RPS6KA2: variants seen among roughly 807,000 people sequenced by gnomAD.
The protein encoded by RPS6KA2 is ribosomal protein S6 kinase alpha-2.
In RPS6KA2, 42 loss-of-function variants were observed where a neutral mutation model predicts 91.8. The observed-to-expected ratio is 0.46, with a 90% CI of 0.36 to 0.59. The LOEUF (loss-of-function observed/expected upper bound fraction) is 0.59. Ranked by LOEUF, RPS6KA2 falls within the 20% of genes least tolerant of loss-of-function variation. The pLI is 0.00. For missense variants in RPS6KA2, 798 were observed against 978.5 expected, an observed-to-expected ratio of 0.82 and a Z score of 2.46; for synonymous variants, 414 against 393.6, an observed-to-expected ratio of 1.05 and a Z score of -0.61.
At chr6:166,693,424 C>G (rs1436405586) in intron 2 of RPS6KA2, among the ~76,000 whole-genome samples, 1 of 152,186 alleles carries the variant, frequency 6.6e-6, no homozygotes, top group Non-Finnish European at 1.5e-5. Context: ...ATCAGCAGGG[C>G]CTCTACTAAA....
chr6:166,833,225 G>C (rs1780231424), intron 2 of RPS6KA2, among the ~76,000 whole-genome samples: 1 of 152,208 alleles, frequency 6.6e-6, no homozygotes, highest in South Asian at 2.1e-4. Flanking sequence ...TCTGATGGAA[G>C]AAACCATTCT....
chr6:166,828,548 A>G (rs1321099542), intron 2 of RPS6KA2, among the ~76,000 whole-genome samples: 1 of 152,250 alleles, frequency 6.6e-6, no homozygotes, highest in Non-Finnish European at 1.5e-5. Flanking sequence ...ACAGAGCTTG[A>G]GATATAAATG....
At chr6:166,561,785 C>T (rs538912460) in intron 1 of RPS6KA2, among the ~76,000 whole-genome samples, 4 of 152,124 alleles carry the variant, frequency 2.6e-5, no homozygotes, top group South Asian at 2.1e-4. Context: ...AAGAAGAAGA[C>T]GATGGGCTGC....
chr6:166,621,421 T>C (rs527658547), intron 1 of RPS6KA2, among the ~76,000 whole-genome samples: 4 of 152,366 alleles, frequency 2.6e-5, no homozygotes, highest in Admixed American at 6.5e-5. Context: ...CAGTATTTCA[T>C]ATGGAATATA....
intron 10 of RPS6KA2, among the ~76,000 whole-genome samples, chr6:166,471,501 C>G (rs1049845312): frequency 2.0e-5 from 3 of 152,248 alleles, no homozygotes; most frequent in Non-Finnish European, 4.4e-5. Flanking sequence ...CCTGAAGGCA[C>G]TCTCACAGCA....
intron 16 of RPS6KA2, among the ~76,000 whole-genome samples, chr6:166,429,941 G>A (rs1024986868): frequency 6.6e-6 from 1 of 151,496 alleles, no homozygotes; most frequent in African/African-American, 2.4e-5. Flanking sequence ...ATGGGCAGAG[G>A]GAAAAAAGAA....
intron 2 of RPS6KA2, among the ~76,000 whole-genome samples, chr6:166,786,178 G>A (rs1485921763): frequency 6.6e-6 from 1 of 152,180 alleles, no homozygotes; most frequent in African/African-American, 2.4e-5. Context: ...GTGGTGAACA[G>A]TCTCCTTTTA....
intron 2 of RPS6KA2, among the ~76,000 whole-genome samples, chr6:166,672,847 C>T (rs539757415): frequency 1.3e-5 from 2 of 152,178 alleles, no homozygotes; most frequent in Non-Finnish European, 2.9e-5. Context: ...GGGAAGGAAG[C>T]CTTCCCCTTG....
At chr6:166,764,530 G>C (rs1363790801) in intron 2 of RPS6KA2, among the ~76,000 whole-genome samples, 1 of 152,138 alleles carries the variant, frequency 6.6e-6, no homozygotes, top group African/African-American at 2.4e-5. Flanking sequence ...GCGGGCAGGG[G>C]TGGTTGCTGG....
At chr6:166,525,141 T>C (rs1202915467) in intron 3 of RPS6KA2, among the ~76,000 whole-genome samples, 2 of 152,350 alleles carry the variant, frequency 1.3e-5, no homozygotes, top group East Asian at 3.9e-4. Flanking sequence ...TGGTTCATTC[T>C]TGGTCTCACG....
At chr6:166,528,582 A>G (rs1178713269) in intron 3 of RPS6KA2, among the ~76,000 whole-genome samples, 130 of 150,410 alleles carry the variant, frequency 8.6e-4, no homozygotes, top group African/African-American at 3.1e-3. Context: ...ATCTAATTAA[A>G]CTAAAGAGCT....
chr6:166,754,567 G>C (rs568442919), intron 2 of RPS6KA2, among the ~76,000 whole-genome samples: 1 of 152,110 alleles, frequency 6.6e-6, no homozygotes, highest in Non-Finnish European at 1.5e-5. Context: ...GGCCCAGAGC[G>C]TGAGAGTCCA....
intron 1 of RPS6KA2, among the ~76,000 whole-genome samples, chr6:166,610,847 T>C (rs879286352): frequency 1.3e-5 from 2 of 152,264 alleles, no homozygotes; most frequent in Non-Finnish European, 2.9e-5. Flanking sequence ...GAAAGCCACA[T>C]GTAATAAATA....
intron 1 of RPS6KA2, among the ~76,000 whole-genome samples, chr6:166,585,498 CTTTTTTTTT>C (rs58153048): frequency 4.6e-5 from 4 of 86,308 alleles, no homozygotes; most frequent in East Asian, 3.3e-4. Context: ...TCAAACAAGT[CTTTTTTTTT>C]TTTTTTTTTT....
At chr6:166,566,077 G>A (rs1044455882) in intron 1 of RPS6KA2, among the ~76,000 whole-genome samples, 8 of 152,188 alleles carry the variant, frequency 5.3e-5, no homozygotes, top group African/African-American at 1.9e-4. Context: ...TGAAAATGTA[G>A]GAATTAATCT....
intron 11 of RPS6KA2, 151 bp downstream of exon 11, chr6:166,469,690 G>C (rs1424098628): frequency 1.9e-5 from 14 of 740,272 alleles, no homozygotes; most frequent in African/African-American, 3.5e-5. Flanking sequence ...GCAGGGTCCT[G>C]GGGGCTCCCT....
At chr6:166,824,733 CTGTG>C (rs1310803615) in intron 2 of RPS6KA2, among the ~76,000 whole-genome samples, 14 of 113,984 alleles carry the variant, frequency 1.2e-4, no homozygotes, top group South Asian at 3.0e-4. Flanking sequence ...ATGTCTGTGT[CTGTG>C]TGTATGTCTG....
chr6:166,627,294 C>G (rs1786927997), upstream of RPS6KA2: 1 of 919,142 alleles, frequency 1.1e-6, no homozygotes, highest in Non-Finnish European at 1.3e-6. Context: ...CGCCCACCAC[C>G]ACTACCACCA....
chr6:166,537,789 A>G (rs1783528393), intron 2 of RPS6KA2, among the ~76,000 whole-genome samples: 1 of 152,182 alleles, frequency 6.6e-6, no homozygotes, highest in Non-Finnish European at 1.5e-5. Flanking sequence ...GCTTACATGT[A>G]AGGAACGGTT....
Sources: gnomAD v4.1 joint callset for allele counts (sites outside exome capture counted in the v4.1 genomes callset) on GRCh38, gnomAD v4.1.1 for gene constraint, MANE v1.5 for transcripts, NCBI Gene and HGNC (gene_info 2026-07-23, HGNC 2026-07-21) for gene names.